PTPRS: variants seen among roughly 807,000 people sequenced by gnomAD.
PTPRS encodes receptor-type tyrosine-protein phosphatase S.
In PTPRS, 63 loss-of-function variants were observed where a neutral mutation model predicts 215.3. The ratio of observed to expected loss-of-function variants is 0.29; its 90% confidence interval spans 0.24 to 0.36. The LOEUF (loss-of-function observed/expected upper bound fraction) is 0.36, where lower values mean the gene tolerates loss of function less well. Ranked by LOEUF, PTPRS falls within the 10% of genes least tolerant of loss-of-function variation. The pLI is 1.00. For missense variants in PTPRS, 2,258 were observed against 2,825.8 expected (o/e 0.80, Z 4.56); for synonymous variants, 1,404 against 1,191.4 (o/e 1.18, Z -3.68).
At chr19:5,337,231 TCC>T (rs1241212673) in intron 1 of PTPRS, among the ~76,000 whole-genome samples, 1 of 152,142 alleles carries the variant, frequency 6.6e-6, no homozygotes, top group African/African-American at 2.4e-5. Flanking sequence ...TTTATAAATA[TCC>T]CTTTTTATTT....
At chr19:5,298,692 C>T (rs935437185) in intron 1 of PTPRS, among the ~76,000 whole-genome samples, 50 of 152,248 alleles carry the variant, frequency 3.3e-4, no homozygotes, top group African/African-American at 1.1e-3. Context: ...CCGCAGCGGG[C>T]ATGATGCCCA....
chr19:5,228,267 C>A (rs796883445), intron 16 of PTPRS, among the ~76,000 whole-genome samples: 34 of 141,920 alleles, frequency 2.4e-4, no homozygotes, highest in African/African-American at 8.8e-4. Context: ...ATTGTTTGAA[C>A]CCAGGAGGTG....
At chr19:5,335,570 A>G (rs1237350278) in intron 1 of PTPRS, among the ~76,000 whole-genome samples, 1 of 152,216 alleles carries the variant, frequency 6.6e-6, no homozygotes, top group Non-Finnish European at 1.5e-5. Context: ...TTCTCCAGGT[A>G]GGGGGAACAG....
chr19:5,206,882 C>G (rs373307327), intron 37 of PTPRS, 40 bp from the exon 38 acceptor site: 12 of 1,586,618 alleles, frequency 7.6e-6, no homozygotes, highest in South Asian at 5.5e-5. Context: ...CTCCGCTGCT[C>G]TAACGCCTCC....
chr19:5,209,758 T>G (rs1416272109), intron 35 of PTPRS, among the ~76,000 whole-genome samples: 1 of 152,170 alleles, frequency 6.6e-6, no homozygotes, highest in Non-Finnish European at 1.5e-5. Context: ...GCGAATGTTC[T>G]TCTCTCCAAT....
In PTPRS at chr19:5,280,180, C is replaced by A. The variant is rs28735242; in HGVS notation, c.92-5836G>T. On this transcript the variant is annotated intron_variant, in intron 2 of 37. Coordinates refer to ENST00000262963, the MANE Select transcript of PTPRS (RefSeq NM_002850.4). ...GGGTAGAGTGAGTCCAGGGGCCACA[C>A]AGGTTGACCAGAAAAGTTCTGGAAA... 1.6e-3 allele frequency among the ~76,000 whole-genome samples: 242 copies of A among 152,282 alleles called. 3 individuals carry two copies. The highest frequency in any genetic ancestry group is 5.5e-3 in the African/African-American group (230 of 41,560).
chr19:5,244,983 CTTTTTT>C lies in PTPRS; in HGVS notation c.989-507_989-502del, dbSNP rs34897765. 9.2e-6 allele frequency among the ~76,000 whole-genome samples: 1 copy of C among 108,150 alleles called. No individual in the cohort carries two copies. Among genetic ancestry groups the C allele is most frequent in the Middle Eastern group, 7.4e-3 (1 of 136 alleles). The allele number at this position is 108,150 out of a possible 152,430, so 71.0% of individuals were successfully genotyped here. On this transcript the variant is annotated intron_variant, in intron 10 of 37. Transcript: ENST00000262963. The surrounding 1 kb of genome is among the most constrained non-coding windows in gnomAD (Gnocchi z 7.2). ...GCACCCGGCCTTTTTTTTCTTTTTTCTTTTTTTTTTTTTTTAGACGGAGCCTTGCTC... is the reference window on the plus strand; with the variant it reads ...GCACCCGGCCTTTTTTTTCTTTTTTCTTTTTTTTTAGACGGAGCCTTGCTC...
intron 13 of PTPRS, among the ~76,000 whole-genome samples, chr19:5,238,231 G>A (rs759890613): frequency 1.3e-5 from 2 of 152,066 alleles, no homozygotes; most frequent in Non-Finnish European, 2.9e-5. Flanking sequence ...AGAGGGTGGC[G>A]GTGACCCACA....
At chr19:5,254,440 G>T (rs1352528402) in intron 9 of PTPRS, among the ~76,000 whole-genome samples, 1 of 146,610 alleles carries the variant, frequency 6.8e-6, no homozygotes, top group African/African-American at 2.5e-5. Context: ...TTTATTGGGG[G>T]TTGGAGTAAG....
At chr19:5,264,679 G>C (rs1335524809) in intron 5 of PTPRS, among the ~76,000 whole-genome samples, 1 of 152,098 alleles carries the variant, frequency 6.6e-6, no homozygotes. Context: ...CCTGAGCATG[G>C]GAGACACTCT....
At position 5,237,862 on chromosome 19, in the gene PTPRS, G is replaced by A. The variant is rs2043609936; in HGVS notation, c.1849+1057C>T. ...GGGAAGGGGGCCGGCGGGGGCAGGG[G>A]GGTTGTGTCTCCGAGGCGCCCCACC... On this transcript the variant is annotated intron_variant, in intron 13 of 37. Coordinates refer to ENST00000262963, the MANE Select transcript of PTPRS (RefSeq NM_002850.4). The surrounding 1 kb of genome is among the most constrained non-coding windows in gnomAD (Gnocchi z 4.2). Among the ~76,000 whole-genome samples the A allele has an allele frequency of 6.6e-6, 1 of 152,092 alleles. No homozygotes were observed. The highest frequency in any genetic ancestry group is 2.1e-4 in the South Asian group (1 of 4,826).
intron 2 of PTPRS, among the ~76,000 whole-genome samples, chr19:5,274,856 C>T (rs1248829700): frequency 2.6e-5 from 4 of 152,006 alleles, no homozygotes; most frequent in Non-Finnish European, 4.4e-5. Context: ...AGCATGGGGG[C>T]GGGGGGTGAC....
chr19:5,329,420 T>C (rs1405864495), intron 1 of PTPRS, among the ~76,000 whole-genome samples: 2 of 152,172 alleles, frequency 1.3e-5, no homozygotes, highest in African/African-American at 2.4e-5. Flanking sequence ...ACAATCCAGC[T>C]ACAGAATTGC....
chr19:5,340,154 G>C (rs1203918324), intron 1 of PTPRS, among the ~76,000 whole-genome samples: 4 of 151,600 alleles, frequency 2.6e-5, no homozygotes, highest in African/African-American at 9.7e-5. Context: ...ACCCGTCCCG[G>C]CTCCTCTCCG....
In PTPRS at chr19:5,339,016, C is replaced by T. The variant is rs890706648; in HGVS notation, c.-95+1648G>A. ...AGCGTGTGGGTCCCTGTCCTTGGGACCCTAGGGGTCTCTTCCTGCCTCCTC... is the reference window on the plus strand; with the variant it reads ...AGCGTGTGGGTCCCTGTCCTTGGGATCCTAGGGGTCTCTTCCTGCCTCCTC... On this transcript the variant is annotated intron_variant, in intron 1 of 37. Transcript: ENST00000262963. This position sits in a 1 kb window ranked among gnomAD's most constrained non-coding sequence, Gnocchi z 4.2. 6.6e-6 allele frequency among the ~76,000 whole-genome samples: 1 copy of T among 152,176 alleles called. No individual in the cohort carries two copies. Among genetic ancestry groups the T allele is most frequent in the African/African-American group, 2.4e-5 (1 of 41,446 alleles).
intron 1 of PTPRS, among the ~76,000 whole-genome samples, chr19:5,296,701 G>A (rs796074425): frequency 8.9e-5 from 13 of 146,620 alleles, no homozygotes; most frequent in African/African-American, 2.9e-4. Context: ...GAGTGAGGAA[G>A]GGGAGACAAA....
Position 5,248,327 on chromosome 19 carries a change from T to G in PTPRS, c.719-2282A>C, listed in dbSNP as rs2044692394. On this transcript the variant is annotated intron_variant, in intron 9 of 37. Transcript: ENST00000262963. ...AATTTAAAAAAAGAAAGAGAGAATCTAAAAAACAAACAAACGAAAAAACTC... is the reference window on the plus strand; with the variant it reads ...AATTTAAAAAAAGAAAGAGAGAATCGAAAAAACAAACAAACGAAAAAACTC... Among the ~76,000 whole-genome samples the G allele has an allele frequency of 5.0e-5, 7 of 140,352 alleles. No individual in the cohort carries two copies. In the South Asian group the frequency reaches 1.1e-3, roughly 23 times the overall value. 92.1% of individuals were successfully genotyped at this position (140,352 alleles called of 152,430 possible). A position where few individuals can be genotyped will look rare whatever the true frequency, so the allele number is the denominator to read the frequency against.
At chr19:5,235,884 T>C (rs2043402605) in intron 13 of PTPRS, among the ~76,000 whole-genome samples, 3 of 152,358 alleles carry the variant, frequency 2.0e-5, no homozygotes, top group Admixed American at 2.0e-4. Flanking sequence ...TCTCTATGTG[T>C]TGCGTGCCTA....
Position 5,221,120 on chromosome 19 carries a change from G to A in PTPRS, c.3335C>T (p.Thr1112Met), listed in dbSNP as rs201447856. The A allele has an allele frequency of 2.2e-4, 352 of 1,613,908 alleles. No homozygotes were observed. Among genetic ancestry groups the A allele is most frequent in the Non-Finnish European group, 2.6e-4 (307 of 1,180,000 alleles). ...GTTGAAGGCAGTCCAGGCGGTGACCGTCTGCTGGAGGCCGCCCAGGCTGCT... is the reference window on the plus strand; with the variant it reads ...GTTGAAGGCAGTCCAGGCGGTGACCATCTGCTGGAGGCCGCCCAGGCTGCT... ...RGSSLGGLQQ[T>M]VTAWTAFNLL... The change falls in exon 20 of 38, where the codon ACG becomes ATG. Residue 1112 changes from threonine to methionine, a missense_variant. Thr to Met is a moderately conservative substitution (Grantham distance 81, BLOSUM62 -1). Around this residue, in one of 6 missense-constraint regions of PTPRS, gnomAD observed 927 missense variants for 1,125.9 expected, o/e 0.82. Coordinates refer to ENST00000262963, the MANE Select transcript of PTPRS (RefSeq NM_002850.4).
Sources: allele counts gnomAD v4.1 joint callset (sites outside exome capture counted in the v4.1 genomes callset), GRCh38; gene constraint gnomAD v4.1.1; regional missense constraint gnomAD v4.1.1; non-coding constraint Gnocchi (gnomAD v3.1); transcripts MANE v1.5; gene names NCBI Gene and HGNC (gene_info 2026-07-23, HGNC 2026-07-21).